Variants in MGAT4C observed in about 807,000 individuals in gnomAD.
MGAT4C encodes the protein alpha-1,3-mannosyl-glycoprotein 4-beta-N-acetylglucosaminyltransferase C.
Under a neutral mutation model 40.1 loss-of-function variants are expected in MGAT4C, and 19 were observed. That is an observed-to-expected ratio of 0.47 (90% CI 0.33 to 0.70). The LOEUF is 0.70. Among genes scored for constraint, MGAT4C ranks in the 30% least tolerant of loss-of-function variants. The pLI, the probability that MGAT4C is intolerant of heterozygous loss-of-function variation, is 0.02. For missense variants in MGAT4C, 491 were observed against 563.2 expected, an observed-to-expected ratio of 0.87 and a Z score of 1.30; for synonymous variants, 181 against 187.1, an observed-to-expected ratio of 0.97 and a Z score of 0.27.
At chr12:86,246,516 C>A (rs1376307786) in intron 1 of MGAT4C, among the ~76,000 whole-genome samples, 2 of 152,068 alleles carry the variant, frequency 1.3e-5, no homozygotes, top group African/African-American at 2.4e-5. Context: ...GTAAATGACT[C>A]CCACAATTTT....
intron 2 of MGAT4C, among the ~76,000 whole-genome samples, chr12:86,559,510 A>G (rs2094529257): frequency 6.6e-6 from 1 of 152,022 alleles, no homozygotes; most frequent in African/African-American, 2.4e-5. Context: ...AAACTTTAAA[A>G]ACTGTAGAAA....
chr12:86,713,721 C>T (rs1352285949), intron 2 of MGAT4C, among the ~76,000 whole-genome samples: 3 of 151,966 alleles, frequency 2.0e-5, no homozygotes, highest in African/African-American at 4.8e-5. Context: ...ATGAAGTCAG[C>T]ACCATTGATA....
intron 4 of MGAT4C, among the ~76,000 whole-genome samples, chr12:86,322,374 A>G (rs891857608): frequency 2.0e-5 from 3 of 152,078 alleles, no homozygotes; most frequent in Non-Finnish European, 4.4e-5. Flanking sequence ...AAGTAAAAAA[A>G]AAAAATCAGA....
At chr12:86,291,303 C>A (rs1305330783) in intron 4 of MGAT4C, among the ~76,000 whole-genome samples, 1 of 152,184 alleles carries the variant, frequency 6.6e-6, no homozygotes, top group Non-Finnish European at 1.5e-5. Context: ...CTAGAAAGAA[C>A]TCTTGGACAT....
chr12:86,349,154 A>G (rs141745034), intron 3 of MGAT4C, among the ~76,000 whole-genome samples: 3 of 152,254 alleles, frequency 2.0e-5, no homozygotes, highest in African/African-American at 7.2e-5. Flanking sequence ...CTTATTGTAA[A>G]TTAACTAACA....
At chr12:86,354,634 T>C (rs1315096982) in intron 3 of MGAT4C, among the ~76,000 whole-genome samples, 1 of 152,046 alleles carries the variant, frequency 6.6e-6, no homozygotes, top group Non-Finnish European at 1.5e-5. Context: ...AGGAAAGAAT[T>C]AGTGAACCTG....
chr12:86,671,651 A>G (rs1964259530), intron 2 of MGAT4C, among the ~76,000 whole-genome samples: 1 of 152,220 alleles, frequency 6.6e-6, no homozygotes, highest in African/African-American at 2.4e-5. Context: ...AGGAGTAGCT[A>G]TATTTATATC....
chr12:86,219,194 GAAAA>G (rs1950785013), intron 1 of MGAT4C, among the ~76,000 whole-genome samples: 1 of 151,868 alleles, frequency 6.6e-6, no homozygotes, highest in African/African-American at 2.4e-5. Flanking sequence ...AAGAAAAAAA[GAAAA>G]AAGAAAAAGT....
chr12:86,705,012 T>C lies in MGAT4C; in HGVS notation c.-229+22197A>G, dbSNP rs562716986. 5.3e-5 allele frequency among the ~76,000 whole-genome samples: 8 copies of C among 152,250 alleles called. No individual in the cohort carries two copies. The East Asian group carries it at 1.5e-3, about 29-fold the overall frequency. ...TTCTTGGAAAAAGGTGGAGGCATGTTATCCGGGCCCCACCTATCATATTCA... is the reference window on the plus strand; with the variant it reads ...TTCTTGGAAAAAGGTGGAGGCATGTCATCCGGGCCCCACCTATCATATTCA... On this transcript the variant is annotated intron_variant, in intron 2 of 7. Transcript: ENST00000548651.
At chr12:86,239,951 C>T (rs964655660) in intron 1 of MGAT4C, among the ~76,000 whole-genome samples, 6 of 149,694 alleles carry the variant, frequency 4.0e-5, no homozygotes, top group Non-Finnish European at 8.9e-5. Context: ...GGGTGCAGCG[C>T]ACCAGCATGG....
At chr12:86,399,205 C>T (rs1387947143) in intron 3 of MGAT4C, among the ~76,000 whole-genome samples, 9 of 152,084 alleles carry the variant, frequency 5.9e-5, no homozygotes, top group South Asian at 2.1e-4. Flanking sequence ...CTCTTGACCT[C>T]GTGGTCTGCC....
At chr12:86,604,842 A>G (rs2136466142) in intron 2 of MGAT4C, among the ~76,000 whole-genome samples, 1 of 152,274 alleles carries the variant, frequency 6.6e-6, no homozygotes, top group East Asian at 1.9e-4. Flanking sequence ...AAACAAGAAA[A>G]AAGCTTCGGT....
rs902108702 is a variant in MGAT4C, at chr12:86,386,024, G to A, written c.-120+49133C>T. 3.3e-5 allele frequency among the ~76,000 whole-genome samples: 5 copies of A among 152,040 alleles called. No homozygotes were observed. The South Asian group carries it at 6.2e-4, about 19-fold the overall frequency. ...CGGCTCACTGCAACCTCCGCCTCCC[G>A]GATTCACGCCATTCTCCTGCCTCAT... On this transcript the variant is annotated intron_variant, in intron 3 of 7. Transcript: ENST00000548651.
rs147094222 is a variant in MGAT4C, at chr12:86,667,727, A to T, written c.-229+59482T>A. On this transcript the variant is annotated intron_variant, in intron 2 of 7. Coordinates refer to the MGAT4C transcript ENST00000548651. ...AAATTTGAATTTTTGCATGATCCAA[A>T]ATATGATTTTCTTATGATTATATTT... 4.3e-3 allele frequency among the ~76,000 whole-genome samples: 660 copies of T among 152,346 alleles called. 2 individuals carry two copies. The highest frequency in any genetic ancestry group is 0.015 in the African/African-American group (635 of 41,592).
chr12:86,463,569 A>C lies in MGAT4C; in HGVS notation c.-228-28304T>G, dbSNP rs140295324. On this transcript the variant is annotated intron_variant, in intron 2 of 7. Transcript: ENST00000548651. ...TATTCATGCATCAGAACTTGACTTA[A>C]AGATCACTTTTTCAGGGTATATCTT... 5.8e-3 allele frequency among the ~76,000 whole-genome samples: 889 copies of C among 152,248 alleles called. 5 individuals carry two copies. Among genetic ancestry groups the C allele is most frequent in the Middle Eastern group, 0.01 (3 of 294 alleles).
At chr12:86,287,692 T>C (rs989543193) in intron 4 of MGAT4C, among the ~76,000 whole-genome samples, 2 of 152,130 alleles carry the variant, frequency 1.3e-5, no homozygotes, top group Non-Finnish European at 2.9e-5. Context: ...GAACTCATCA[T>C]TTTTTATGGC....
intron 2 of MGAT4C, among the ~76,000 whole-genome samples, chr12:86,559,203 T>A (rs767836797): frequency 2.0e-5 from 3 of 151,908 alleles, no homozygotes; most frequent in Admixed American, 2.0e-4. Flanking sequence ...AGAGAGAGAA[T>A]CTAATACTAC....
intron 2 of MGAT4C, among the ~76,000 whole-genome samples, chr12:86,705,514 G>GA (rs139159965): frequency 0.02 from 3,034 of 150,826 alleles, 96 homozygotes; most frequent in African/African-American, 0.069. Context: ...CCCAGGTAAA[G>GA]AAAAAAAATG....
At chr12:86,276,991 T>C (rs570528145) in intron 4 of MGAT4C, among the ~76,000 whole-genome samples, 4 of 152,184 alleles carry the variant, frequency 2.6e-5, no homozygotes, top group Non-Finnish European at 5.9e-5. Context: ...TATTTTTAGT[T>C]TTTTGAAGAA....
Sources: allele counts gnomAD v4.1 joint callset (sites outside exome capture counted in the v4.1 genomes callset), GRCh38; gene constraint gnomAD v4.1.1; transcripts MANE v1.5; gene names NCBI Gene and HGNC (gene_info 2026-07-23, HGNC 2026-07-21).